ZNF692: variants seen among roughly 807,000 people sequenced by gnomAD.
The protein encoded by ZNF692 is zinc finger protein 692.
Under a neutral mutation model 49.0 loss-of-function variants are expected in ZNF692, and 41 were observed. The observed-to-expected ratio is 0.84, with a 90% CI of 0.65 to 1.08. The LOEUF is 1.08. Ranked by LOEUF, ZNF692 falls within the 50% of genes least tolerant of loss-of-function variation. ZNF692 has a pLI of 0.00. For synonymous variants in ZNF692, 288 were observed against 251.5 expected (o/e 1.15, Z -1.37); for missense variants, 662 against 662.2 (o/e 1.00, Z 0.00).
At chr1:248,854,080 GAA>G (rs1267720582) in intron 9 of ZNF692, 29 bp from the exon 10 acceptor site, 1 of 1,570,790 alleles carries the variant, frequency 6.4e-7, no homozygotes, top group Admixed American at 1.7e-5. Flanking sequence ...GGTAGGGAGA[GAA>G]GAGGCAAAAG....
chr1:248,852,942 G>A (rs144711638), intron 10 of ZNF692, among the ~76,000 whole-genome samples: 101 of 152,142 alleles, frequency 6.6e-4, no homozygotes, highest in African/African-American at 2.4e-3. Context: ...ATTTTTGCCT[G>A]ACATCTCCCC....
At chr1:248,853,832 G>T in intron 10 of ZNF692, 105 bp downstream of exon 10, 3 of 789,260 alleles carry the variant, frequency 3.8e-6, no homozygotes, top group Non-Finnish European at 2.1e-6. Flanking sequence ...GAGGTGACAG[G>T]ACCCCGTAGA....
chr1:248,856,016 GC>G, intron 6 of ZNF692, 70 bp from the exon 7 acceptor site: 2 of 1,483,878 alleles, frequency 1.3e-6, no homozygotes, highest in East Asian at 2.4e-5. Context: ...CCCGACCCTA[GC>G]CCCTAAACTG....
At chr1:248,856,138 G>T in intron 6 of ZNF692, 150 bp downstream of exon 6, 1 of 1,363,944 alleles carries the variant, frequency 7.3e-7, no homozygotes, top group Non-Finnish European at 9.9e-7. Flanking sequence ...CACCCCCTCA[G>T]TTCAAAGCCT....
chr1:248,851,585 C>CTA (rs1659601249), intron 10 of ZNF692, among the ~76,000 whole-genome samples: 1 of 150,616 alleles, frequency 6.6e-6, no homozygotes, highest in Non-Finnish European at 1.5e-5. Flanking sequence ...CCTTTGGCCC[C>CTA]ATCACTCCCC....
chr1:248,856,470 C>T, intron 5 of ZNF692, 44 bp downstream of exon 5: 1 of 1,614,234 alleles, frequency 6.2e-7, no homozygotes, highest in Non-Finnish European at 8.5e-7. Context: ...CCTCATCCTC[C>T]CACCTATGCA....
intron 6 of ZNF692, 101 bp from the exon 7 acceptor site, chr1:248,856,047 A>G: frequency 2.2e-6 from 3 of 1,346,368 alleles, no homozygotes; most frequent in Non-Finnish European, 3.1e-6. Flanking sequence ...CAAACTTGAA[A>G]CAACCCTACC....
chr1:248,855,597 C>G lies in ZNF692; in HGVS notation c.920G>C (p.Trp307Ser). 1 of 1,614,206 alleles carries G rather than the reference C, an allele frequency of 6.2e-7. No homozygotes were observed. The stretch of plus-strand genomic sequence containing the variant: ...GCCAATTTGTGCAGTGTCCTCATCC[C>G]AGGCCGGGGTTGGAGCAGACTGGGC... ...SQAQSAPTPA[W>S]DEDTAQIGPK... is the part of the protein sequence containing the mutation. Residue 307 changes from tryptophan (W) to serine (S), a missense_variant, in exon 8 of 12, where the codon TGG becomes TCG. By Grantham distance (177) the Trp-to-Ser change is radical. Coordinates refer to ENST00000306601, the MANE Select transcript of ZNF692 (RefSeq NM_017865.4).
rs367816254 is a variant in ZNF692 at position 248,858,553 on chromosome 1, G to A, written c.-12-232C>T. 6.4e-7 allele frequency: 1 copy of A among 1,551,736 alleles called. No homozygotes were observed. The highest frequency in any genetic ancestry group is 8.7e-7 in the Non-Finnish European group (1 of 1,146,996). The stretch of plus-strand genomic sequence containing the variant: ...GGTGGGAGGCAGGCAGACAGAAGCA[G>A]TCAGAACAAAGGCCTGCGCCCTCCA... On this transcript the variant is annotated intron_variant, in intron 1 of 11. Coordinates refer to ENST00000306601, the MANE Select transcript of ZNF692 (RefSeq NM_017865.4). This position sits in a 1 kb window ranked among gnomAD's most constrained non-coding sequence, Gnocchi z 4.3.
chr1:248,854,211 G>A, intron 9 of ZNF692, 160 bp from the exon 10 acceptor site: 1 of 609,156 alleles, frequency 1.6e-6, no homozygotes, highest in Non-Finnish European at 3.0e-6. Context: ...GTTTCCTTGA[G>A]GCTCAGTCCT....
At chr1:248,857,914 C>T (rs1415925788) in intron 2 of ZNF692, 55 bp from the exon 3 acceptor site, 1 of 1,605,048 alleles carries the variant, frequency 6.2e-7, no homozygotes, top group Non-Finnish European at 8.5e-7. Flanking sequence ...ACCCTCAGCC[C>T]TGGGCACTCA....
At chr1:248,855,141 TAACA>T (rs1334143587) in intron 9 of ZNF692, among the ~76,000 whole-genome samples, 1 of 152,196 alleles carries the variant, frequency 6.6e-6, no homozygotes, top group East Asian at 1.9e-4. Flanking sequence ...ACCCTAGCAC[TAACA>T]CACACTAGCT....
At chr1:248,854,152 C>T in intron 9 of ZNF692, 101 bp from the exon 10 acceptor site, 1 of 813,138 alleles carries the variant, frequency 1.2e-6, no homozygotes, top group South Asian at 1.5e-5. Context: ...CTCCTCTGTC[C>T]CCTTCCTGGC....
intron 6 of ZNF692, 64 bp downstream of exon 6, chr1:248,856,224 A>G: frequency 6.5e-7 from 1 of 1,531,856 alleles, no homozygotes; most frequent in East Asian, 2.3e-5. Context: ...CTGCAAAGCC[A>G]TGAACTGCCA....
chr1:248,850,504 G>A lies in ZNF692; in HGVS notation c.1266C>T (p.Cys422=), dbSNP rs777026766. ...AAGCCTTCTGGCGGCAGGTAAACCC[G>A]CATATCTCACACCTGGAGTCAGGGA... ...TGEKPLQCEI[C]GFTCRQKASL... The change falls in exon 12 of 12, where the codon TGC becomes TGT. Residue 422 remains cysteine (C), a synonymous_variant. Coordinates refer to ENST00000306601, the MANE Select transcript of ZNF692 (RefSeq NM_017865.4). 28 of 1,606,996 alleles carry A rather than the reference G, an allele frequency of 1.7e-5. No individual in the cohort carries two copies. Among genetic ancestry groups the A allele is most frequent in the Admixed American group, 5.0e-5 (3 of 59,688 alleles).
At position 248,850,396 on chromosome 1, in the gene ZNF692, C is replaced by T. The variant is rs1223649586; in HGVS notation, c.1374G>A (p.Glu458=). 1 of 1,614,172 alleles carries T rather than the reference C, an allele frequency of 6.2e-7. No homozygotes were observed. Among genetic ancestry groups the T allele is most frequent in the South Asian group, 1.1e-5 (1 of 91,088 alleles). ...GGTGGGCTGCAACACTGTCTGGCTT[C>T]TCAAAGCGCTTGCCGCAGAATTCAC... ...FPCEFCGKRF[E]KPDSVAAHRS... The change falls in exon 12 of 12, where the codon GAG becomes GAA. Residue 458 remains glutamate (E), a synonymous_variant. Coordinates refer to ENST00000306601, the MANE Select transcript of ZNF692 (RefSeq NM_017865.4).
At chr1:248,857,008 C>T (rs918093103) in intron 4 of ZNF692, among the ~76,000 whole-genome samples, 10 of 152,198 alleles carry the variant, frequency 6.6e-5, no homozygotes, top group African/African-American at 2.2e-4. Context: ...CATACACACA[C>T]ACACATTCAC....
chr1:248,855,340 C>G (rs534301794), intron 9 of ZNF692, 40 bp downstream of exon 9: 8 of 1,604,658 alleles, frequency 5.0e-6, no homozygotes, highest in Non-Finnish European at 6.8e-6. Context: ...CCCTTTCCCC[C>G]ACCCCAGCAG....
chr1:248,857,927 C>T, intron 2 of ZNF692, 68 bp from the exon 3 acceptor site: 17 of 1,595,916 alleles, frequency 1.1e-5, no homozygotes, highest in Non-Finnish European at 1.5e-5. Flanking sequence ...GGCACTCACA[C>T]ATGTAAGGGG....
Sources: gnomAD v4.1 joint callset for allele counts (sites outside exome capture counted in the v4.1 genomes callset) on GRCh38, gnomAD v4.1.1 for gene constraint, Gnocchi (gnomAD v3.1) non-coding constraint, MANE v1.5 for transcripts, NCBI Gene and HGNC (gene_info 2026-07-23, HGNC 2026-07-21) for gene names.